WARS2: variants seen among roughly 807,000 people sequenced by gnomAD.
WARS2 encodes the protein tryptophan--tRNA ligase, mitochondrial.
WARS2 carries 28 observed loss-of-function variants against 36.5 expected under a neutral mutation model. The observed-to-expected ratio is 0.77, with a 90% CI of 0.57 to 1.05. The LOEUF (loss-of-function observed/expected upper bound fraction) is 1.05, where lower values mean the gene tolerates loss of function less well. Ranked by LOEUF, WARS2 falls within the 50% of genes least tolerant of loss-of-function variation. WARS2 has a pLI of 0.00. For missense variants in WARS2, 435 were observed against 456.8 expected, an observed-to-expected ratio of 0.95 and a Z score of 0.44; for synonymous variants, 174 against 178.4, an observed-to-expected ratio of 0.98 and a Z score of 0.20.
chr1:119,097,120 G>T (rs899877187), intron 1 of WARS2, among the ~76,000 whole-genome samples: 13 of 152,156 alleles, frequency 8.5e-5, no homozygotes, highest in Non-Finnish European at 1.5e-4. Context: ...TGTTTTGTGT[G>T]GACAGGTGGA....
At position 119,128,200 on chromosome 1, in the gene WARS2, G is replaced by A. The variant is rs191458281; in HGVS notation, c.90+12355C>T. On this transcript the variant is annotated intron_variant, in intron 1 of 5. Transcript: ENST00000235521. The stretch of plus-strand genomic sequence containing the variant: ...AGCTATTATCCTACCTCAGCTTCTC[G>A]AGAAGCTGGGATTATAGGCCCCCAC... Among the ~76,000 whole-genome samples, 704 of 152,020 alleles carry A rather than the reference G, an allele frequency of 4.6e-3. 2 individuals carry two copies. The highest frequency in any genetic ancestry group is 0.016 in the African/African-American group (679 of 41,448).
At position 119,033,234 on chromosome 1, in the gene WARS2, C is replaced by A. The variant is rs1361493882; in HGVS notation, c.760G>T (p.Ala254Ser). ...PEEIVQKFRKAVTDFTSEVTY... is the reference protein window; with the variant it reads ...PEEIVQKFRKSVTDFTSEVTY... ...ACCTCCGAGGTGAAGTCTGTCACAG[C>A]CTTGCGGAATTTCTGCACTATCTCC... Residue 254 changes from alanine to serine, a missense_variant, in exon 6 of 6, where the codon GCT (alanine) becomes TCT (serine). By Grantham distance (99) the Ala-to-Ser change is moderately conservative. Transcript: ENST00000235521. 6.2e-7 allele frequency: 1 copy of A among 1,614,150 alleles called. No individual in the cohort carries two copies. Among genetic ancestry groups the A allele is most frequent in the East Asian group, 2.2e-5 (1 of 44,902 alleles).
rs913622555 is a variant in WARS2 at position 119,111,923 on chromosome 1, AT to A, written c.90+28631del. 3.0e-3 allele frequency among the ~76,000 whole-genome samples: 441 copies of A among 145,622 alleles called. 1 individual carries two copies. The highest frequency in any genetic ancestry group is 0.01 in the Middle Eastern group (3 of 286). On this transcript the variant is annotated intron_variant, in intron 1 of 5. Transcript: ENST00000235521. ...AGGTTTGATTTTTGAGTTTGTTCAG[AT>A]TTTTTTTTTTTCTTTGAGACGGAGT... is the stretch of plus-strand genomic sequence containing the variant.
chr1:119,057,851 C>A (rs1649971408), intron 2 of WARS2, among the ~76,000 whole-genome samples: 1 of 152,026 alleles, frequency 6.6e-6, no homozygotes, highest in Non-Finnish European at 1.5e-5. Flanking sequence ...TTTTATACAG[C>A]TGGATAAAAG....
intron 1 of WARS2, among the ~76,000 whole-genome samples, chr1:119,104,291 T>C (rs1654083657): frequency 6.6e-6 from 1 of 151,560 alleles, no homozygotes; most frequent in East Asian, 1.9e-4. Context: ...ATACCTATAA[T>C]CTTACAATAA....
At chr1:119,064,693 G>A (rs12081015) in intron 2 of WARS2, 2,554 of 162,278 alleles carry the variant, frequency 0.016, 62 homozygotes, top group East Asian at 0.051. Context: ...TTCTCTTGCC[G>A]CTGGTGTGTA....
chr1:119,110,953 T>A (rs1000911307), intron 1 of WARS2, among the ~76,000 whole-genome samples: 3 of 152,184 alleles, frequency 2.0e-5, no homozygotes, highest in African/African-American at 7.2e-5. Context: ...TCTTCACTTC[T>A]AATACAATGT....
chr1:119,036,491 A>G (rs1284429380), intron 4 of WARS2, among the ~76,000 whole-genome samples: 1 of 152,222 alleles, frequency 6.6e-6, no homozygotes, highest in Non-Finnish European at 1.5e-5. Flanking sequence ...TGAGGCTGAC[A>G]TGCAGAGGTC....
chr1:119,057,062 C>T (rs764499622), intron 2 of WARS2, among the ~76,000 whole-genome samples: 5 of 152,070 alleles, frequency 3.3e-5, no homozygotes, highest in Non-Finnish European at 7.4e-5. Flanking sequence ...TTTGGTCATC[C>T]AAGTGGGTGA....
chr1:119,047,940 T>C (rs1269960162), intron 2 of WARS2, among the ~76,000 whole-genome samples: 1 of 152,186 alleles, frequency 6.6e-6, no homozygotes, highest in African/African-American at 2.4e-5. Context: ...GTTGCAGCAG[T>C]TTTGCCTATC....
intron 2 of WARS2, among the ~76,000 whole-genome samples, chr1:119,062,423 A>T (rs1650459746): frequency 6.6e-6 from 1 of 152,084 alleles, no homozygotes; most frequent in Admixed American, 6.6e-5. Flanking sequence ...GAGATTTGTG[A>T]TTCTCAGAGG....
intron 1 of WARS2, among the ~76,000 whole-genome samples, chr1:119,125,072 A>G (rs1655560888): frequency 6.6e-6 from 1 of 152,234 alleles, no homozygotes. Context: ...TTAGAAAAGT[A>G]TCCAACACAT....
At chr1:119,066,742 A>C (rs557806054) in intron 2 of WARS2, among the ~76,000 whole-genome samples, 16 of 152,314 alleles carry the variant, frequency 1.1e-4, no homozygotes, top group African/African-American at 3.8e-4. Context: ...CAAAAGTAAT[A>C]TGTCTAATAA....
chr1:119,098,243 C>CGTCT (rs1178772921), intron 1 of WARS2, among the ~76,000 whole-genome samples: 1 of 151,744 alleles, frequency 6.6e-6, no homozygotes, highest in Non-Finnish European at 1.5e-5. Flanking sequence ...AGCGAGACAC[C>CGTCT]GTCTCAAAAC....
At chr1:119,085,891 C>T (rs745697649) in intron 1 of WARS2, 5 of 1,610,492 alleles carry the variant, frequency 3.1e-6, no homozygotes, top group Non-Finnish European at 4.2e-6. Context: ...TTATCGGCCA[C>T]CCCAAGCTGG....
chr1:119,061,098 G>A (rs561107629), intron 2 of WARS2, among the ~76,000 whole-genome samples: 158 of 152,042 alleles, frequency 1.0e-3, no homozygotes, highest in Non-Finnish European at 1.9e-3. Context: ...TTCTTCAGAG[G>A]AATACAACAT....
chr1:119,084,219 C>T (rs1008935290), intron 1 of WARS2, among the ~76,000 whole-genome samples: 6 of 151,678 alleles, frequency 4.0e-5, no homozygotes, highest in Admixed American at 3.9e-4. Context: ...ATGAAATATC[C>T]AGAATAGGCA....
intron 1 of WARS2, among the ~76,000 whole-genome samples, chr1:119,125,779 G>A (rs941504845): frequency 2.6e-5 from 4 of 152,164 alleles, no homozygotes; most frequent in Non-Finnish European, 4.4e-5. Flanking sequence ...GAAGCTGGCT[G>A]TCTCTCTGAG....
At chr1:119,117,773 C>T (rs1655069590) in intron 1 of WARS2, among the ~76,000 whole-genome samples, 1 of 152,168 alleles carries the variant, frequency 6.6e-6, no homozygotes. Flanking sequence ...GGACTCTTTA[C>T]AGCACTAGCC....
Sources: allele counts gnomAD v4.1 joint callset (sites outside exome capture counted in the v4.1 genomes callset), GRCh38; gene constraint gnomAD v4.1.1; transcripts MANE v1.5; gene names NCBI Gene and HGNC (gene_info 2026-07-23, HGNC 2026-07-21).